Variants in PTPRD observed in about 807,000 individuals in gnomAD.
PTPRD encodes protein tyrosine phosphatase receptor type D.
In PTPRD, 34 loss-of-function variants were observed where a neutral mutation model predicts 214.5. That is an observed-to-expected ratio of 0.16 (90% CI 0.12 to 0.21). The LOEUF (loss-of-function observed/expected upper bound fraction) is 0.21, where lower values mean the gene tolerates loss of function less well. PTPRD is among the 10% of genes least tolerant of loss of function. The pLI, the probability that PTPRD is intolerant of heterozygous loss-of-function variation, is 1.00. For missense variants in PTPRD, 2,545 were observed against 2,398.7 expected, an observed-to-expected ratio of 1.06 and a Z score of -1.27; for synonymous variants, 1,128 against 845.7, an observed-to-expected ratio of 1.33 and a Z score of -5.79.
chr9:10,488,909 C>A (rs543445998), intron 2 of PTPRD, among the ~76,000 whole-genome samples: 1 of 152,220 alleles, frequency 6.6e-6, no homozygotes, highest in South Asian at 2.1e-4. Flanking sequence ...TAGCCAAGTC[C>A]TAGAATCAAG....
chr9:8,657,086 G>A (rs1486345493), intron 12 of PTPRD, among the ~76,000 whole-genome samples: 1 of 151,936 alleles, frequency 6.6e-6, no homozygotes, highest in Non-Finnish European at 1.5e-5. Flanking sequence ...GATCAGTGAT[G>A]CAGAGCTTTT....
intron 14 of PTPRD, among the ~76,000 whole-genome samples, chr9:8,592,500 G>A (rs1236487308): frequency 6.6e-6 from 1 of 152,106 alleles, no homozygotes; most frequent in Non-Finnish European, 1.5e-5. Context: ...TTGCAGAGTA[G>A]AAATTCCAAG....
intron 8 of PTPRD, chr9:9,414,695 G>T (rs1313238695): frequency 6.6e-6 from 1 of 152,094 alleles, no homozygotes; most frequent in Non-Finnish European, 1.5e-5. Flanking sequence ...TTACCCTCAA[G>T]AATTTCAGAA....
At chr9:10,500,413 T>C (rs2133187618) in intron 2 of PTPRD, among the ~76,000 whole-genome samples, 1 of 152,044 alleles carries the variant, frequency 6.6e-6, no homozygotes, top group Non-Finnish European at 1.5e-5. Flanking sequence ...TTTGTTAATT[T>C]TTAATTTTTG....
chr9:10,045,731 G>A (rs1354964377), intron 3 of PTPRD, among the ~76,000 whole-genome samples: 1 of 151,538 alleles, frequency 6.6e-6, no homozygotes, highest in Admixed American at 6.6e-5. Flanking sequence ...AATATATAAA[G>A]ATGACTACCT....
In PTPRD at chr9:9,686,929, C is replaced by T. The variant is rs187650051; in HGVS notation, c.-287+47604G>A. ...AATATGTCTGGCCTGTTGCTTGGTGCTACAGGAAACAAAAATGTATAAGAC... is the reference window on the plus strand; with the variant it reads ...AATATGTCTGGCCTGTTGCTTGGTGTTACAGGAAACAAAAATGTATAAGAC... On this transcript the variant is annotated intron_variant, in intron 7 of 45. Coordinates refer to ENST00000381196, the MANE Select transcript of PTPRD (RefSeq NM_002839.4). Among the ~76,000 whole-genome samples, 19 of 151,790 alleles carry T rather than the reference C, an allele frequency of 1.3e-4. No homozygotes were observed. In the East Asian group the frequency reaches 3.3e-3, roughly 26 times the overall value.
chr9:9,636,643 T>G (rs1442289645), intron 7 of PTPRD, among the ~76,000 whole-genome samples: 1 of 152,188 alleles, frequency 6.6e-6, no homozygotes. Context: ...TTGGGTATAG[T>G]CTCTGAAAGT....
At chr9:10,529,270 G>A (rs556002449) in intron 2 of PTPRD, among the ~76,000 whole-genome samples, 53 of 152,144 alleles carry the variant, frequency 3.5e-4, no homozygotes, top group Middle Eastern at 6.8e-3. Flanking sequence ...ACATTCACAC[G>A]TATGTTTATT....
intron 8 of PTPRD, among the ~76,000 whole-genome samples, chr9:9,411,260 G>GCCT (rs77816004): frequency 4.0e-5 from 1 of 25,052 alleles, no homozygotes; most frequent in African/African-American, 2.8e-4. Flanking sequence ...ATAGCATTGT[G>GCCT]TCTTTTTTTT....
chr9:9,837,887 T>C (rs2153626508), intron 5 of PTPRD, among the ~76,000 whole-genome samples: 1 of 152,290 alleles, frequency 6.6e-6, no homozygotes, highest in East Asian at 1.9e-4. Context: ...CATTTAGCAT[T>C]AGGTATATCT....
In PTPRD at chr9:9,631,941, C is replaced by A. The variant is rs114411425; in HGVS notation, c.-286-57160G>T. Among the ~76,000 whole-genome samples, 494 of 152,228 alleles carry A rather than the reference C, an allele frequency of 3.2e-3. 1 individual carries two copies. The highest frequency in any genetic ancestry group is 0.011 in the African/African-American group (472 of 41,542). On this transcript the variant is annotated intron_variant, in intron 7 of 45. Coordinates refer to ENST00000381196, the MANE Select transcript of PTPRD (RefSeq NM_002839.4). Reference sequence around the variant, plus strand: ...GCTGATACTAATTCTCTCTAAGAAGCTCACCAGGTGATATAAAAAGTAAGG... The same window carrying A: ...GCTGATACTAATTCTCTCTAAGAAGATCACCAGGTGATATAAAAAGTAAGG...
At chr9:8,318,442 TA>T (rs1018482916) in intron 45 of PTPRD, among the ~76,000 whole-genome samples, 136 of 149,934 alleles carry the variant, frequency 9.1e-4, no homozygotes, top group African/African-American at 3.4e-3. Flanking sequence ...TTTGAATTTT[TA>T]AAAAATTATG....
intron 23 of PTPRD, among the ~76,000 whole-genome samples, 178 bp from the exon 24 acceptor site, chr9:8,501,237 T>C (rs1363097695): frequency 6.6e-6 from 1 of 152,124 alleles, no homozygotes; most frequent in African/African-American, 2.4e-5. Context: ...CTTAGTAATA[T>C]GAATAAACCA....
In PTPRD at chr9:10,369,550, G is replaced by A. The variant is rs546953916; in HGVS notation, c.-599-28533C>T. ...TGTTTTCTAGTATGTATAAGAATGA[G>A]GCTAGTGGAAATGAAACCAGATGAT... On this transcript the variant is annotated intron_variant, in intron 2 of 45. Transcript: ENST00000381196. Among the ~76,000 whole-genome samples the A allele has an allele frequency of 5.3e-5, 8 of 152,124 alleles. No homozygotes were observed. The South Asian group carries it at 6.2e-4, about 12-fold the overall frequency.
At chr9:9,076,582 T>A (rs1199973601) in intron 10 of PTPRD, among the ~76,000 whole-genome samples, 1 of 152,084 alleles carries the variant, frequency 6.6e-6, no homozygotes, top group East Asian at 1.9e-4. Flanking sequence ...TTATTTCACA[T>A]AATATAATGT....
intron 7 of PTPRD, among the ~76,000 whole-genome samples, chr9:9,708,980 T>C (rs2097677013): frequency 6.6e-6 from 1 of 152,008 alleles, no homozygotes; most frequent in African/African-American, 2.4e-5. Context: ...GCATCAATTA[T>C]ACCATGAGCT....
chr9:8,610,104 T>G (rs1245544964), intron 14 of PTPRD, among the ~76,000 whole-genome samples: 1 of 152,156 alleles, frequency 6.6e-6, no homozygotes, highest in African/African-American at 2.4e-5. Context: ...GCACACATTT[T>G]AAGTATTTTG....
At chr9:9,037,844 T>A (rs12684249) in intron 10 of PTPRD, among the ~76,000 whole-genome samples, 1 of 152,094 alleles carries the variant, frequency 6.6e-6, no homozygotes, top group Admixed American at 6.6e-5. Flanking sequence ...GGAAGCACAG[T>A]GAAAGCCACT....
At chr9:8,477,301 A>G (rs1267486528) in intron 30 of PTPRD, among the ~76,000 whole-genome samples, 2 of 152,206 alleles carry the variant, frequency 1.3e-5, no homozygotes, top group Non-Finnish European at 2.9e-5. Context: ...ATATATCTGG[A>G]AAGCCCTTGA....
Sources: gnomAD v4.1 joint callset for allele counts (sites outside exome capture counted in the v4.1 genomes callset) on GRCh38, gnomAD v4.1.1 for gene constraint, MANE v1.5 for transcripts, NCBI Gene and HGNC (gene_info 2026-07-23, HGNC 2026-07-21) for gene names.